The following CYBB variants were observed in gnomAD, a reference collection of about 807,000 sequenced individuals.
The protein encoded by CYBB is cytochrome b-245 beta chain.
CYBB carries 5 observed loss-of-function variants against 46.5 expected under a neutral mutation model. The ratio of observed to expected loss-of-function variants is 0.11; its 90% CI spans 0.06 to 0.23. CYBB has a LOEUF of 0.23. Among genes scored for constraint, CYBB ranks in the 10% least tolerant of loss-of-function variants. The pLI is 1.00. For missense variants in CYBB, 307 were observed against 428.3 expected, an observed-to-expected ratio of 0.72 and a Z score of 2.50; for synonymous variants, 183 against 156.7, an observed-to-expected ratio of 1.17 and a Z score of -1.26.
At position 37,812,674 on chromosome X, in the gene CYBB, T is replaced by G. The variant is rs1929699593; in HGVS notation, c.*1757T>G. 1 of 111,883 alleles carries G rather than the reference T, an allele frequency of 8.9e-6. No homozygotes were observed. Among genetic ancestry groups the G allele is most frequent in the South Asian group, 3.7e-4 (1 of 2,675 alleles). 9.2% of individuals were successfully genotyped at this position (111,883 alleles called of 1,213,427 possible). A position where few individuals can be genotyped will look rare whatever the true frequency, so the allele number is the denominator to read the frequency against. On this transcript the variant is annotated 3_prime_UTR_variant, in exon 13 of 13. Coordinates refer to ENST00000378588, the MANE Select transcript of CYBB (RefSeq NM_000397.4). The stretch of plus-strand genomic sequence containing the variant: ...AGGATGAACTAAATAAGAACTCAGT[T>G]GTTCTTTGTCATACTACTATTCCTT...
Position 37,812,835 on chromosome X carries a change from T to C in CYBB, c.*1918T>C, listed in dbSNP as rs960542126. On this transcript the variant is annotated 3_prime_UTR_variant, in exon 13 of 13. Transcript: ENST00000378588. Reference sequence around the variant, plus strand: ...AGGTCCAGCCTGTTCACACTGCACCTCAGGTATCAATTCATCTATTCAACA... The same window carrying C: ...AGGTCCAGCCTGTTCACACTGCACCCCAGGTATCAATTCATCTATTCAACA... 1 of 112,164 alleles carries C rather than the reference T, an allele frequency of 8.9e-6. No individual in the cohort carries two copies. The highest frequency in any genetic ancestry group is 3.2e-5 in the African/African-American group (1 of 30,804). The allele number at this position is 112,164 out of a possible 1,213,427, so 9.2% of individuals were successfully genotyped here. A position where few individuals can be genotyped will look rare whatever the true frequency, so the allele number is the denominator to read the frequency against.
intron 7 of CYBB, among the ~76,000 whole-genome samples, 156 bp downstream of exon 7, chrX:37,799,240 A>T (rs1161559330): frequency 6.2e-5 from 7 of 112,207 alleles, no homozygotes; most frequent in African/African-American, 2.3e-4. Context: ...TGCTATACTT[A>T]TTGGATAGAA....
At chrX:37,795,107 C>A (rs3935493) in intron 5 of CYBB, among the ~76,000 whole-genome samples, 1 of 111,474 alleles carries the variant, frequency 9.0e-6, no homozygotes, top group Admixed American at 9.5e-5. Flanking sequence ...TATCTATGCT[C>A]TCCTACTCTT....
chrX:37,782,021 C>T, intron 1 of CYBB, 67 bp from the exon 2 acceptor site: 2 of 917,998 alleles, frequency 2.2e-6, no homozygotes, highest in Non-Finnish European at 1.6e-6. Flanking sequence ...CCTTATCTGA[C>T]TCCAGTCTTG....
At chrX:37,788,244 G>A (rs919226914) in intron 3 of CYBB, among the ~76,000 whole-genome samples, 11 of 111,696 alleles carry the variant, frequency 9.8e-5, no homozygotes, top group African/African-American at 1.3e-4. Context: ...AACCATATTC[G>A]TTTGCTTTAA....
chrX:37,793,991 T>A (rs1929250610), intron 5 of CYBB, among the ~76,000 whole-genome samples, 181 bp downstream of exon 5: 3 of 110,537 alleles, frequency 2.7e-5, no homozygotes, highest in Non-Finnish European at 3.8e-5. Context: ...ACTCCTCACC[T>A]CATGTGTGGA....
intron 4 of CYBB, among the ~76,000 whole-genome samples, chrX:37,792,917 GC>G (rs1294243653): frequency 9.1e-6 from 1 of 109,901 alleles, no homozygotes; most frequent in Non-Finnish European, 1.9e-5. Context: ...ATATTTGCGT[GC>G]CAGAGGTACT....
intron 11 of CYBB, among the ~76,000 whole-genome samples, chrX:37,807,493 T>C (rs1009621200): frequency 3.6e-5 from 4 of 110,281 alleles, no homozygotes; most frequent in South Asian, 3.8e-4. Flanking sequence ...TCTAGTCACA[T>C]AGATTGTCTA....
Position 37,812,216 on chromosome X carries a change from C to G in CYBB, c.*1299C>G, listed in dbSNP as rs1959180346. 1 of 112,202 alleles carries G rather than the reference C, an allele frequency of 8.9e-6. No homozygotes were observed. The highest frequency in any genetic ancestry group is 1.9e-5 in the Non-Finnish European group (1 of 53,221). 9.2% of individuals were successfully genotyped at this position (112,202 alleles called of 1,213,427 possible). On this transcript the variant is annotated 3_prime_UTR_variant, in exon 13 of 13. Transcript: ENST00000378588. ...TGAATATATGTTCAAGAGAGAGTCTCTAAATCACTGTTAGTGTGGCCAAGA... is the reference window on the plus strand; with the variant it reads ...TGAATATATGTTCAAGAGAGAGTCTGTAAATCACTGTTAGTGTGGCCAAGA...
intron 5 of CYBB, among the ~76,000 whole-genome samples, chrX:37,794,609 G>A (rs1167042186): frequency 1.8e-5 from 2 of 111,449 alleles, no homozygotes; most frequent in East Asian, 5.7e-4. Flanking sequence ...CTGAGGGATG[G>A]CCTGTGTCTA....
At chrX:37,803,048 G>A (rs1463385033) in intron 8 of CYBB, among the ~76,000 whole-genome samples, 3 of 111,924 alleles carry the variant, frequency 2.7e-5, no homozygotes, top group Non-Finnish European at 5.6e-5. Context: ...TACGTAGACA[G>A]ATGAGGATGG....
At chrX:37,809,817 C>A in intron 12 of CYBB, 126 bp downstream of exon 12, 1 of 679,828 alleles carries the variant, frequency 1.5e-6, no homozygotes, top group South Asian at 2.8e-5. Context: ...AGATTGAATT[C>A]ATGCCCAACA....
At chrX:37,790,933 G>C (rs1375451130) in intron 3 of CYBB, among the ~76,000 whole-genome samples, 9 of 111,625 alleles carry the variant, frequency 8.1e-5, no homozygotes, top group Non-Finnish European at 1.5e-4. Flanking sequence ...TTTCAGGAGA[G>C]CCAAGCTCTA....
intron 11 of CYBB, among the ~76,000 whole-genome samples, chrX:37,807,789 A>T (rs1298033828): frequency 8.9e-6 from 1 of 111,835 alleles, no homozygotes; most frequent in Admixed American, 9.6e-5. Flanking sequence ...GGAGACCACT[A>T]TAATAAAGTA....
chrX:37,803,417 A>G (rs781909586), intron 8 of CYBB, among the ~76,000 whole-genome samples: 93 of 111,333 alleles, frequency 8.4e-4, no homozygotes, highest in African/African-American at 2.9e-3. Flanking sequence ...AGAGGAAAAA[A>G]AAATCACAAT....
intron 4 of CYBB, 104 bp downstream of exon 4, chrX:37,792,163 T>G: frequency 3.9e-5 from 21 of 541,127 alleles, no homozygotes; most frequent in Non-Finnish European, 6.2e-5. Flanking sequence ...AAGTGGTGGT[T>G]GGATATGTTG....
rs946881174 is a variant in CYBB at position 37,806,291 on chromosome X, A to C, written c.1315-96A>C. On this transcript the variant is annotated intron_variant, in intron 10 of 12. Coordinates refer to ENST00000378588, the MANE Select transcript of CYBB (RefSeq NM_000397.4). ...TATGTTTCTAGGCATTCTGAGCATC[A>C]AGAAAAAGTTTAGGTGACAGAAAGT... 4.3e-6 allele frequency: 4 copies of C among 923,349 alleles called. No homozygotes were observed. In the Admixed American group the frequency reaches 6.6e-5, roughly 15 times the overall value. The allele number at this position is 923,349 out of a possible 1,213,427, so 76.1% of individuals were successfully genotyped here.
intron 3 of CYBB, among the ~76,000 whole-genome samples, chrX:37,785,047 C>T (rs1271493995): frequency 8.9e-6 from 1 of 112,057 alleles, no homozygotes; most frequent in East Asian, 2.8e-4. Flanking sequence ...GAACATATAA[C>T]ATTCAATTTA....
At chrX:37,797,133 G>C (rs1216147867) in intron 6 of CYBB, among the ~76,000 whole-genome samples, 1 of 111,105 alleles carries the variant, frequency 9.0e-6, no homozygotes, top group African/African-American at 3.3e-5. Context: ...AGACATGACT[G>C]TGAAAAAGGG....
Sources: allele counts gnomAD v4.1 joint callset (sites outside exome capture counted in the v4.1 genomes callset), GRCh38; gene constraint gnomAD v4.1.1; transcripts MANE v1.5; gene names NCBI Gene and HGNC (gene_info 2026-07-23, HGNC 2026-07-21).